Variants in UNC13C observed in about 807,000 individuals in gnomAD.
UNC13C encodes protein unc-13 homolog C.
In UNC13C, 174 loss-of-function variants were observed where a neutral mutation model predicts 245.4. The observed-to-expected ratio is 0.71, with a 90% CI of 0.63 to 0.80. The LOEUF (loss-of-function observed/expected upper bound fraction) is 0.80. Ranked by LOEUF, UNC13C falls within the 30% of genes least tolerant of loss-of-function variation. UNC13C has a pLI of 0.00. For missense variants in UNC13C, 2,829 were observed against 2,602.9 expected, an observed-to-expected ratio of 1.09 and a Z score of -1.89; for synonymous variants, 992 against 895.1, an observed-to-expected ratio of 1.11 and a Z score of -1.93.
chr15:54,530,472 C>T (rs1456845789), intron 25 of UNC13C, among the ~76,000 whole-genome samples: 1 of 152,184 alleles, frequency 6.6e-6, no homozygotes, highest in Non-Finnish European at 1.5e-5. Flanking sequence ...AAACAAAATT[C>T]CTGCTCTCAT....
chr15:54,491,136 C>T (rs1235765758), intron 19 of UNC13C, among the ~76,000 whole-genome samples: 1 of 152,162 alleles, frequency 6.6e-6, no homozygotes, highest in Non-Finnish European at 1.5e-5. Flanking sequence ...ACCCAGTAAA[C>T]ATTTTTTGGT....
chr15:53,956,012 T>G, the UNC13C span, among the ~76,000 whole-genome samples: 1 of 152,118 alleles, frequency 6.6e-6, no homozygotes, highest in Admixed American at 6.6e-5. Flanking sequence ...AATAATGAAA[T>G]CATGTCCTTT....
At chr15:54,539,553 C>T (rs1290839194) in intron 26 of UNC13C, among the ~76,000 whole-genome samples, 2 of 151,968 alleles carry the variant, frequency 1.3e-5, no homozygotes, top group Non-Finnish European at 2.9e-5. Context: ...TATAAACACC[C>T]CAACATTGGT....
At chr15:54,174,844 G>T (rs1177841374) in intron 4 of UNC13C, among the ~76,000 whole-genome samples, 1 of 152,148 alleles carries the variant, frequency 6.6e-6, no homozygotes, top group African/African-American at 2.4e-5. Flanking sequence ...GGTAAGAATG[G>T]AGATACTCCT....
At chr15:54,361,805 C>T (rs543146046) in intron 17 of UNC13C, among the ~76,000 whole-genome samples, 1 of 152,352 alleles carries the variant, frequency 6.6e-6, no homozygotes, top group South Asian at 2.1e-4. Flanking sequence ...AATGCTGCAT[C>T]AGAACTGAAT....
intron 1 of UNC13C, among the ~76,000 whole-genome samples, chr15:53,981,915 T>G (rs1893943596): frequency 2.0e-5 from 3 of 152,172 alleles, no homozygotes; most frequent in Admixed American, 1.3e-4. Flanking sequence ...TATATCCTAG[T>G]CATATTGTAT....
intron 4 of UNC13C, among the ~76,000 whole-genome samples, chr15:54,146,285 C>T (rs189154824): frequency 6.6e-6 from 1 of 152,112 alleles, no homozygotes; most frequent in Non-Finnish European, 1.5e-5. Flanking sequence ...TACAATGCTG[C>T]TAAATCTTTC....
At chr15:54,354,191 A>G (rs1374878701) in intron 17 of UNC13C, among the ~76,000 whole-genome samples, 1 of 152,028 alleles carries the variant, frequency 6.6e-6, no homozygotes, top group Non-Finnish European at 1.5e-5. Flanking sequence ...AAAAAAAAGG[A>G]TAACAATAAT....
chr15:54,376,477 T>TA (rs1277636502), intron 17 of UNC13C, among the ~76,000 whole-genome samples: 6 of 152,306 alleles, frequency 3.9e-5, no homozygotes, highest in Non-Finnish European at 5.9e-5. Flanking sequence ...AACTAGCTGC[T>TA]AAATTAAATA....
intron 4 of UNC13C, among the ~76,000 whole-genome samples, chr15:54,152,915 G>C (rs955638386): frequency 8.5e-5 from 13 of 152,146 alleles, no homozygotes; most frequent in Admixed American, 6.5e-5. Context: ...AGCATATATA[G>C]AGTATGTTTT....
At chr15:54,227,014 T>C (rs2035404757) in intron 4 of UNC13C, among the ~76,000 whole-genome samples, 1 of 152,136 alleles carries the variant, frequency 6.6e-6, no homozygotes, top group African/African-American at 2.4e-5. Flanking sequence ...GTTACAACTC[T>C]TTTAGTCTCA....
chr15:54,272,060 C>T (rs1011548716), intron 10 of UNC13C, among the ~76,000 whole-genome samples: 3 of 152,202 alleles, frequency 2.0e-5, no homozygotes, highest in African/African-American at 7.2e-5. Flanking sequence ...CTGGGTCTAA[C>T]ATGTTTCTGG....
At chr15:54,606,593 G>A (rs1317653719) in intron 30 of UNC13C, among the ~76,000 whole-genome samples, 1 of 152,176 alleles carries the variant, frequency 6.6e-6, no homozygotes, top group Non-Finnish European at 1.5e-5. Flanking sequence ...AGTGTTTGAC[G>A]ATTTGCGTGC....
At chr15:53,972,471 T>A in the UNC13C span, among the ~76,000 whole-genome samples, 4 of 152,208 alleles carry the variant, frequency 2.6e-5, no homozygotes, top group East Asian at 1.9e-4. Context: ...AAGAAATATG[T>A]TCTTGACTTG....
Position 54,320,004 on chromosome 15 carries a change from C to G in UNC13C, c.4269-1935C>G, listed in dbSNP as rs1214395715. Among the ~76,000 whole-genome samples the G allele has an allele frequency of 2.6e-5, 4 of 151,954 alleles. No individual in the cohort carries two copies. The East Asian group carries it at 7.8e-4, about 29-fold the overall frequency. On this transcript the variant is annotated intron_variant, in intron 13 of 32. Coordinates refer to ENST00000260323, the MANE Select transcript of UNC13C (RefSeq NM_001080534.3). Reference sequence around the variant, plus strand: ...TAAAGCTGGCATTATTCAATCTGTTCTCACTATTCATCTGTTTGCCTAATT... The same window carrying G: ...TAAAGCTGGCATTATTCAATCTGTTGTCACTATTCATCTGTTTGCCTAATT...
chr15:53,976,477 C>CTTTT (rs10682648), upstream of UNC13C, among the ~76,000 whole-genome samples: 18 of 63,002 alleles, frequency 2.9e-4, 1 homozygote, highest in African/African-American at 6.4e-4. Context: ...CTCTCTCTCT[C>CTTTT]TTTTTTTTTT....
chr15:53,861,484 T>C, the UNC13C span, among the ~76,000 whole-genome samples: 1 of 152,162 alleles, frequency 6.6e-6, no homozygotes, highest in Non-Finnish European at 1.5e-5. Context: ...ATAATAAAAA[T>C]ATATCATCTT....
chr15:54,548,573 T>G (rs1043188595), intron 27 of UNC13C, among the ~76,000 whole-genome samples: 4 of 152,158 alleles, frequency 2.6e-5, no homozygotes, highest in Non-Finnish European at 5.9e-5. Flanking sequence ...TTGATTGTTC[T>G]TTAGTAACAG....
At chr15:53,969,428 CAT>C in the UNC13C span, among the ~76,000 whole-genome samples, 2 of 152,036 alleles carry the variant, frequency 1.3e-5, no homozygotes, top group East Asian at 3.9e-4. Context: ...TGTAAACACA[CAT>C]AATACATTTT....
Sources: gnomAD v4.1 joint callset for allele counts (sites outside exome capture counted in the v4.1 genomes callset) on GRCh38, gnomAD v4.1.1 for gene constraint, MANE v1.5 for transcripts, NCBI Gene and HGNC (gene_info 2026-07-23, HGNC 2026-07-21) for gene names.